The following LDB2 variants were observed in gnomAD, a reference collection of about 807,000 sequenced individuals.
LDB2 encodes LIM domain-binding protein 2.
A neutral mutation model predicts 44.3 loss-of-function variants in LDB2; 12 were observed. That is an observed-to-expected ratio of 0.27 (90% CI 0.17 to 0.44). The LOEUF (loss-of-function observed/expected upper bound fraction) is 0.44. Among genes scored for constraint, LDB2 ranks in the 20% least tolerant of loss-of-function variants. The pLI, the probability that LDB2 is intolerant of heterozygous loss-of-function variation, is 1.00. For synonymous variants in LDB2, 164 were observed against 174.8 expected (o/e 0.94, Z 0.49); for missense variants, 344 against 473.5 (o/e 0.73, Z 2.54).
At chr4:16,734,541 C>T (rs1171621877) in intron 2 of LDB2, among the ~76,000 whole-genome samples, 3 of 151,992 alleles carry the variant, frequency 2.0e-5, no homozygotes, top group Non-Finnish European at 4.4e-5. Flanking sequence ...TATTTCCTGG[C>T]TTTCACCTTC....
chr4:16,766,000 A>G (rs546892148), intron 1 of LDB2, among the ~76,000 whole-genome samples: 1 of 152,362 alleles, frequency 6.6e-6, no homozygotes, highest in South Asian at 2.1e-4. Context: ...TATTAATTTT[A>G]AAAATAGAGA....
At chr4:16,888,313 G>GAA (rs1722350737) in intron 1 of LDB2, among the ~76,000 whole-genome samples, 1 of 152,212 alleles carries the variant, frequency 6.6e-6, no homozygotes, top group African/African-American at 2.4e-5. Flanking sequence ...CTTAAATGGA[G>GAA]AAAACACCAA....
At chr4:16,855,668 A>G (rs911981158) in intron 1 of LDB2, among the ~76,000 whole-genome samples, 2 of 152,112 alleles carry the variant, frequency 1.3e-5, no homozygotes, top group Non-Finnish European at 2.9e-5. Flanking sequence ...AAAGGTTAGG[A>G]AAGTTATATC....
chr4:16,530,547 A>C (rs1032944417), intron 5 of LDB2, among the ~76,000 whole-genome samples: 18 of 152,198 alleles, frequency 1.2e-4, no homozygotes, highest in African/African-American at 4.3e-4. Flanking sequence ...GGCAGAACCT[A>C]CTATCTGAAA....
chr4:16,662,794 C>A (rs112140717), intron 2 of LDB2, among the ~76,000 whole-genome samples: 1 of 151,824 alleles, frequency 6.6e-6, no homozygotes. Flanking sequence ...GATTGTGAGG[C>A]CTCCCAAGCC....
intron 2 of LDB2, among the ~76,000 whole-genome samples, chr4:16,664,956 G>A (rs935210675): frequency 6.6e-6 from 1 of 152,186 alleles, no homozygotes; most frequent in Non-Finnish European, 1.5e-5. Flanking sequence ...TTCTGCATTG[G>A]CTAGGCCTAA....
At chr4:16,731,532 A>G (rs1381247821) in intron 2 of LDB2, among the ~76,000 whole-genome samples, 1 of 152,158 alleles carries the variant, frequency 6.6e-6, no homozygotes, top group Non-Finnish European at 1.5e-5. Flanking sequence ...CTCCGCACAC[A>G]TGCACAAAGA....
intron 1 of LDB2, among the ~76,000 whole-genome samples, chr4:16,813,891 G>A (rs1033900486): frequency 2.3e-5 from 3 of 132,952 alleles, no homozygotes; most frequent in Non-Finnish European, 4.7e-5. Flanking sequence ...TTTTTTTTTT[G>A]AGAGGAGTCT....
At chr4:16,837,367 T>A (rs1165618453) in intron 1 of LDB2, among the ~76,000 whole-genome samples, 1 of 152,194 alleles carries the variant, frequency 6.6e-6, no homozygotes, top group African/African-American at 2.4e-5. Flanking sequence ...AATAAAATAA[T>A]AACTTATTAT....
At chr4:16,528,566 G>A (rs550714291) in intron 5 of LDB2, among the ~76,000 whole-genome samples, 13 of 152,286 alleles carry the variant, frequency 8.5e-5, no homozygotes, top group Non-Finnish European at 1.3e-4. Context: ...AGAGGCTGAC[G>A]GTAAGCAACC....
chr4:16,729,782 G>A (rs765910262), intron 2 of LDB2, among the ~76,000 whole-genome samples: 2 of 152,036 alleles, frequency 1.3e-5, no homozygotes, highest in Admixed American at 6.6e-5. Flanking sequence ...GGAATAGATC[G>A]TCTTTCTAAG....
chr4:16,625,754 G>T (rs1029905007), intron 2 of LDB2, among the ~76,000 whole-genome samples: 6 of 152,148 alleles, frequency 3.9e-5, no homozygotes, highest in Non-Finnish European at 8.8e-5. Context: ...TAATTTCCAT[G>T]GCTTCTCTTA....
chr4:16,710,464 A>G (rs1037720126), intron 2 of LDB2, among the ~76,000 whole-genome samples: 3 of 152,184 alleles, frequency 2.0e-5, no homozygotes, highest in African/African-American at 7.2e-5. Flanking sequence ...AATGATGTGA[A>G]AATTACTGAG....
chr4:16,886,217 T>G (rs1241786738), intron 1 of LDB2, among the ~76,000 whole-genome samples: 3 of 152,034 alleles, frequency 2.0e-5, no homozygotes, highest in Non-Finnish European at 2.9e-5. Context: ...AGACCTTGTC[T>G]CAAAAACAAA....
At chr4:16,853,404 G>A (rs899790600) in intron 1 of LDB2, among the ~76,000 whole-genome samples, 1 of 152,160 alleles carries the variant, frequency 6.6e-6, no homozygotes, top group African/African-American at 2.4e-5. Flanking sequence ...ATTAATAGCA[G>A]AGAAATGCAG....
At chr4:16,666,598 T>C (rs1319803822) in intron 2 of LDB2, among the ~76,000 whole-genome samples, 2 of 152,254 alleles carry the variant, frequency 1.3e-5, no homozygotes, top group South Asian at 4.1e-4. Context: ...AGGCTTCTAC[T>C]GCATGGATGT....
chr4:16,854,224 T>A (rs917828683), intron 1 of LDB2, among the ~76,000 whole-genome samples: 3 of 152,150 alleles, frequency 2.0e-5, no homozygotes, highest in African/African-American at 7.2e-5. Flanking sequence ...GTAGCCTTTA[T>A]ACTATCTATA....
rs538030915 is a variant in LDB2 at position 16,861,713 on chromosome 4, G to A, written c.132+36641C>T. Among the ~76,000 whole-genome samples, 4 of 152,258 alleles carry A rather than the reference G, an allele frequency of 2.6e-5. No individual in the cohort carries two copies. In the South Asian group the frequency reaches 8.3e-4, roughly 32 times the overall value. ...CAAATATGGCTTTTTGTGGCCTCCA[G>A]CCACGAGTCAGCTAGGTCCTGCTGC... On this transcript the variant is annotated intron_variant, in intron 1 of 7. Coordinates refer to ENST00000304523, the MANE Select transcript of LDB2 (RefSeq NM_001290.5).
chr4:16,586,032 A>G (rs1716670922), intron 4 of LDB2, 27 bp from the exon 5 acceptor site: 23 of 1,555,608 alleles, frequency 1.5e-5, no homozygotes, highest in Non-Finnish European at 2.0e-5. Flanking sequence ...CCCCACATGT[A>G]TTTTATCACT....
Sources: allele counts gnomAD v4.1 joint callset (sites outside exome capture counted in the v4.1 genomes callset), GRCh38; gene constraint gnomAD v4.1.1; transcripts MANE v1.5; gene names NCBI Gene and HGNC (gene_info 2026-07-23, HGNC 2026-07-21).